Variants in POLA1 observed in about 807,000 individuals in gnomAD.
POLA1 encodes the protein DNA polymerase alpha 1, catalytic subunit.
A neutral mutation model predicts 124.0 loss-of-function variants in POLA1; 15 were observed. The ratio of observed to expected loss-of-function variants is 0.12; its 90% confidence interval spans 0.08 to 0.19. The LOEUF (loss-of-function observed/expected upper bound fraction) is 0.19. Ranked by LOEUF, POLA1 falls within the 10% of genes least tolerant of loss-of-function variation. The pLI is 1.00. For synonymous variants in POLA1, 408 were observed against 389.4 expected (o/e 1.05, Z -0.56); for missense variants, 886 against 1,103.4 (o/e 0.80, Z 2.79).
Position 24,829,411 on chromosome X carries a change from T to A in POLA1, c.3736+2810T>A, listed in dbSNP as rs1006494722. Among the ~76,000 whole-genome samples, 9 of 111,721 alleles carry A rather than the reference T, an allele frequency of 8.1e-5. No homozygotes were observed. The Admixed American group carries it at 8.6e-4, about 11-fold the overall frequency. ...TAGTCCTCCTCTCCTGCTTGTCCTC[T>A]TCTCTCATCCTACCCTGTGCCTGCA... On this transcript the variant is annotated intron_variant, in intron 32 of 36. Coordinates refer to ENST00000379068, the MANE Select transcript of POLA1 (RefSeq NM_001330360.2).
chrX:24,995,364 C>T (rs1461504723), intron 36 of POLA1, among the ~76,000 whole-genome samples: 1 of 112,125 alleles, frequency 8.9e-6, no homozygotes, highest in Non-Finnish European at 1.9e-5. Context: ...GCTTACTAGG[C>T]CCAGCTGATC....
chrX:24,893,289 C>T (rs759933103), intron 35 of POLA1, among the ~76,000 whole-genome samples: 9 of 111,966 alleles, frequency 8.0e-5, no homozygotes, highest in Non-Finnish European at 1.5e-4. Context: ...TCTTTTGGAG[C>T]TCTCCTTTGT....
chrX:24,812,773 C>A lies in POLA1; in HGVS notation c.3206C>A (p.Thr1069Lys). 1 of 1,203,221 alleles carries A rather than the reference C, an allele frequency of 8.3e-7. No homozygotes were observed. The highest frequency in any genetic ancestry group is 1.7e-5 in the African/African-American group (1 of 57,444). ...KKYAALVVEP[T>K]SDGNYVTKQE... ...TACGCTGCTCTGGTTGTTGAGCCAA[C>A]GTCGGATGGGAATTATGTCACCAAA... is the stretch of plus-strand genomic sequence containing the variant. Residue 1069 changes from threonine (T) to lysine (K), a missense_variant, in exon 29 of 37, where the codon ACG becomes AAG. Transcript: ENST00000379068.
At chrX:24,968,543 C>CA (rs892455419) in intron 36 of POLA1, among the ~76,000 whole-genome samples, 5 of 109,372 alleles carry the variant, frequency 4.6e-5, no homozygotes, top group South Asian at 4.0e-4. Flanking sequence ...ACTAAAAATA[C>CA]AAAAAATTAG....
chrX:24,973,497 C>G (rs1024232352), intron 36 of POLA1, among the ~76,000 whole-genome samples: 3 of 112,214 alleles, frequency 2.7e-5, no homozygotes, highest in Admixed American at 1.9e-4. Context: ...AGGCTGTGTC[C>G]ACTCTAAAAC....
chrX:24,917,252 C>T (rs1280360864), intron 35 of POLA1, among the ~76,000 whole-genome samples: 1 of 108,151 alleles, frequency 9.2e-6, no homozygotes, highest in Non-Finnish European at 1.9e-5. Flanking sequence ...CACCACTGCA[C>T]TCCAGCCTGA....
At chrX:24,734,920 A>G (rs1931178220) in intron 17 of POLA1, among the ~76,000 whole-genome samples, 2 of 112,040 alleles carry the variant, frequency 1.8e-5, no homozygotes, top group Admixed American at 9.5e-5. Context: ...CCAGCCACTT[A>G]TAATTCTTAA....
intron 34 of POLA1, among the ~76,000 whole-genome samples, chrX:24,874,530 T>G (rs1240980058): frequency 2.7e-5 from 3 of 112,001 alleles, no homozygotes; most frequent in Non-Finnish European, 5.6e-5. Flanking sequence ...AGAGATAATT[T>G]TTTAAGTACA....
At chrX:24,962,071 ATATAT>A (rs756070185) in intron 36 of POLA1, among the ~76,000 whole-genome samples, 83 of 111,449 alleles carry the variant, frequency 7.4e-4, no homozygotes, top group Non-Finnish European at 1.4e-3. Context: ...ATCTTTATAT[ATATAT>A]TATATTTACT....
chrX:24,889,144 A>G (rs1278209233), intron 35 of POLA1, among the ~76,000 whole-genome samples: 1 of 111,401 alleles, frequency 9.0e-6, no homozygotes, highest in Non-Finnish European at 1.9e-5. Context: ...TGCTGGGATT[A>G]CAGACGTGAG....
chrX:24,809,839 C>T, intron 26 of POLA1, 59 bp from the exon 27 acceptor site: 1 of 693,095 alleles, frequency 1.4e-6, no homozygotes, highest in Non-Finnish European at 2.2e-6. Context: ...TCTCTATGTG[C>T]TTCTATTTAT....
At chrX:24,756,192 A>G (rs1434495313) in intron 26 of POLA1, among the ~76,000 whole-genome samples, 1 of 111,980 alleles carries the variant, frequency 8.9e-6, no homozygotes, top group Non-Finnish European at 1.9e-5. Context: ...AGTAGCAGAT[A>G]TAGTCAGTGA....
At chrX:24,729,988 G>A (rs1316692787) in intron 15 of POLA1, among the ~76,000 whole-genome samples, 1 of 109,401 alleles carries the variant, frequency 9.1e-6, no homozygotes, top group East Asian at 2.9e-4. Flanking sequence ...GCAGAGGCGG[G>A]GTTTCACCAT....
chrX:24,744,814 G>T (rs971954415), intron 23 of POLA1, among the ~76,000 whole-genome samples: 1 of 108,200 alleles, frequency 9.2e-6, no homozygotes, highest in African/African-American at 3.4e-5. Flanking sequence ...AGCCGAGCAC[G>T]GTGTTGCGCG....
intron 34 of POLA1, among the ~76,000 whole-genome samples, chrX:24,844,390 G>T (rs1055449508): frequency 9.3e-5 from 10 of 108,030 alleles, no homozygotes; most frequent in Non-Finnish European, 1.7e-4. Context: ...TAGTGTTTCA[G>T]TATGTCATTT....
At chrX:24,737,207 C>A (rs1293846672) in intron 18 of POLA1, among the ~76,000 whole-genome samples, 2 of 111,745 alleles carry the variant, frequency 1.8e-5, no homozygotes, top group African/African-American at 6.5e-5. Context: ...AGAAGTCTTA[C>A]ATAAACTGTC....
At chrX:24,986,742 A>ATATG (rs900274085) in intron 36 of POLA1, among the ~76,000 whole-genome samples, 13 of 110,039 alleles carry the variant, frequency 1.2e-4, no homozygotes, top group South Asian at 4.0e-4. Context: ...ATATATATAT[A>ATATG]TATGTATGTA....
At chrX:24,723,116 A>C in intron 10 of POLA1, 39 bp from the exon 11 acceptor site, 1 of 959,810 alleles carries the variant, frequency 1.0e-6, no homozygotes. Context: ...GGTGAAATTG[A>C]AATGTTTCTT....
intron 29 of POLA1, among the ~76,000 whole-genome samples, chrX:24,813,145 C>A (rs1291094306): frequency 9.0e-5 from 10 of 110,872 alleles, no homozygotes; most frequent in African/African-American, 3.3e-4. Context: ...CACTTCAGAT[C>A]CTTATAGAGT....
Sources: allele counts gnomAD v4.1 joint callset (sites outside exome capture counted in the v4.1 genomes callset), GRCh38; gene constraint gnomAD v4.1.1; transcripts MANE v1.5; gene names NCBI Gene and HGNC (gene_info 2026-07-23, HGNC 2026-07-21).